The following EFCAB6 variants were observed in gnomAD, a reference collection of about 807,000 sequenced individuals.
EFCAB6 encodes EF-hand calcium binding domain 6.
A neutral mutation model predicts 169.8 loss-of-function variants in EFCAB6; 156 were observed. The observed-to-expected ratio is 0.92, with a 90% CI of 0.81 to 1.05. The LOEUF (loss-of-function observed/expected upper bound fraction) is 1.05. EFCAB6 is among the 50% of genes least tolerant of loss of function. The pLI, the probability that EFCAB6 is intolerant of heterozygous loss-of-function variation, is 0.00. For synonymous variants in EFCAB6, 698 were observed against 676.4 expected, an observed-to-expected ratio of 1.03 and a Z score of -0.50; for missense variants, 1,800 against 1,829.1, an observed-to-expected ratio of 0.98 and a Z score of 0.29.
intron 3 of EFCAB6, 134 bp downstream of exon 3, chr22:43,782,046 A>G: frequency 1.1e-6 from 1 of 930,558 alleles, no homozygotes; most frequent in East Asian, 2.6e-5. Flanking sequence ...AACAGGGATA[A>G]AAACAGAGCC....
At chr22:43,569,279 G>C (rs892107127) in intron 26 of EFCAB6, among the ~76,000 whole-genome samples, 1 of 152,286 alleles carries the variant, frequency 6.6e-6, no homozygotes, top group Non-Finnish European at 1.5e-5. Flanking sequence ...CGCTAAGTGA[G>C]AGTGAATCTC....
chr22:43,650,975 G>C (rs1459683818), intron 17 of EFCAB6, among the ~76,000 whole-genome samples: 1 of 151,932 alleles, frequency 6.6e-6, no homozygotes, highest in Non-Finnish European at 1.5e-5. Flanking sequence ...AGTTTTATGA[G>C]GGAAGCAGAG....
intron 17 of EFCAB6, among the ~76,000 whole-genome samples, chr22:43,656,287 G>A (rs1445022459): frequency 6.6e-6 from 1 of 152,072 alleles, no homozygotes; most frequent in Non-Finnish European, 1.5e-5. Context: ...CTACTCGGGA[G>A]GCTGAGACAG....
At chr22:43,551,408 C>A (rs1050829192) in intron 27 of EFCAB6, among the ~76,000 whole-genome samples, 1 of 152,180 alleles carries the variant, frequency 6.6e-6, no homozygotes, top group Non-Finnish European at 1.5e-5. Flanking sequence ...TGGCAAAGAC[C>A]GCAATTACTT....
chr22:43,746,963 C>T (rs2060587949), intron 6 of EFCAB6, among the ~76,000 whole-genome samples: 1 of 152,182 alleles, frequency 6.6e-6, no homozygotes, highest in Non-Finnish European at 1.5e-5. Flanking sequence ...AGATCAGAAG[C>T]CACTATGCTG....
At chr22:43,726,276 C>CAAAAAAAAAAAAAAAAAAAAAAAAACA (rs3994547) in intron 8 of EFCAB6, among the ~76,000 whole-genome samples, 2 of 59,358 alleles carry the variant, frequency 3.4e-5, no homozygotes, top group Non-Finnish European at 6.1e-5. Context: ...AAAAATTCAC[C>CAAAAAAAAAAAAAAAAAAAAAAAAACA]AAAAAAAAAA....
intron 17 of EFCAB6, among the ~76,000 whole-genome samples, chr22:43,663,335 A>T (rs1195861612): frequency 6.6e-6 from 1 of 152,190 alleles, no homozygotes; most frequent in African/African-American, 2.4e-5. Flanking sequence ...GTCTAACCTA[A>T]ATCCTTTCTT....
At chr22:43,607,688 T>C (rs1038341057) in intron 22 of EFCAB6, among the ~76,000 whole-genome samples, 1 of 152,216 alleles carries the variant, frequency 6.6e-6, no homozygotes, top group Non-Finnish European at 1.5e-5. Flanking sequence ...TTTGAACAGA[T>C]GAAAATCTGG....
At chr22:43,654,231 T>G (rs185632150) in intron 17 of EFCAB6, among the ~76,000 whole-genome samples, 23 of 152,312 alleles carry the variant, frequency 1.5e-4, no homozygotes, top group African/African-American at 4.6e-4. Context: ...TGAAAAAGGA[T>G]TCCAAATAAC....
intron 7 of EFCAB6, among the ~76,000 whole-genome samples, chr22:43,733,394 A>G (rs1406909272): frequency 6.6e-6 from 1 of 152,242 alleles, no homozygotes; most frequent in East Asian, 1.9e-4. Context: ...CCTATATCAA[A>G]CACACTGGCC....
intron 10 of EFCAB6, among the ~76,000 whole-genome samples, chr22:43,708,647 G>A (rs533403419): frequency 6.6e-6 from 1 of 152,054 alleles, no homozygotes; most frequent in Non-Finnish European, 1.5e-5. Context: ...AGAGTAAAAA[G>A]TTGGAAAAAG....
chr22:43,618,389 A>T (rs569890601), intron 20 of EFCAB6, among the ~76,000 whole-genome samples: 19 of 152,210 alleles, frequency 1.2e-4, no homozygotes, highest in African/African-American at 4.3e-4. Context: ...TCCAGGCAGT[A>T]TGAGGGTCTT....
At chr22:43,586,758 G>C (rs1376402719) in intron 24 of EFCAB6, among the ~76,000 whole-genome samples, 1 of 152,154 alleles carries the variant, frequency 6.6e-6, no homozygotes, top group Admixed American at 6.5e-5. Context: ...AAGTCCAGCA[G>C]CGTCAGCATC....
At chr22:43,712,362 G>C (rs1344262947) in intron 9 of EFCAB6, among the ~76,000 whole-genome samples, 1 of 151,948 alleles carries the variant, frequency 6.6e-6, no homozygotes, top group Non-Finnish European at 1.5e-5. Context: ...ACTGGGATAA[G>C]AAGATAAACA....
At chr22:43,720,350 T>TAAAAA (rs34117958) in intron 8 of EFCAB6, among the ~76,000 whole-genome samples, 1 of 144,412 alleles carries the variant, frequency 6.9e-6, no homozygotes. Flanking sequence ...TACAAAAGAT[T>TAAAAA]AAAAAAAAAA....
chr22:43,585,674 G>T (rs2051018366), intron 24 of EFCAB6, among the ~76,000 whole-genome samples: 1 of 152,074 alleles, frequency 6.6e-6, no homozygotes, highest in Admixed American at 6.6e-5. Context: ...CACCAAGCAG[G>T]ATAAATCCCC....
chr22:43,602,692 A>T (rs2052607182), intron 22 of EFCAB6, among the ~76,000 whole-genome samples: 1 of 152,058 alleles, frequency 6.6e-6, no homozygotes, highest in Admixed American at 6.6e-5. Context: ...AATGGTCCAC[A>T]GCCCACCCAC....
At position 43,672,237 on chromosome 22, in the gene EFCAB6, GTTAC is replaced by G. The variant is rs759708354; in HGVS notation, c.1479+5_1479+8del. On this transcript the variant is annotated splice_donor_5th_base_variant and intron_variant, in intron 14 of 31. Coordinates refer to ENST00000262726, the MANE Select transcript of EFCAB6 (RefSeq NM_022785.4). ...AGGCATCCACACAAAGAAGGCAAGT[GTTAC>G]TTACTGAATCCCAGGCCAGGAGGAA... 1.2e-6 allele frequency: 2 copies of G among 1,614,150 alleles called. No individual in the cohort carries two copies. Among genetic ancestry groups the G allele is most frequent in the East Asian group, 2.2e-5 (1 of 44,878 alleles).
intron 8 of EFCAB6, among the ~76,000 whole-genome samples, chr22:43,718,240 A>G (rs1379539550): frequency 2.6e-5 from 4 of 152,200 alleles, no homozygotes; most frequent in Admixed American, 6.5e-5. Flanking sequence ...AATAAAAGAG[A>G]ATGAAATAAA....
Sources: gnomAD v4.1 joint callset for allele counts (sites outside exome capture counted in the v4.1 genomes callset) on GRCh38, gnomAD v4.1.1 for gene constraint, MANE v1.5 for transcripts, NCBI Gene and HGNC (gene_info 2026-07-23, HGNC 2026-07-21) for gene names.